The following SHANK2 variants were observed in gnomAD, a reference collection of about 807,000 sequenced individuals.
The protein encoded by SHANK2 is SH3 and multiple ankyrin repeat domains 2, also known as SH3 and multiple ankyrin repeat domains protein 2.
In SHANK2, 43 loss-of-function variants were observed where a neutral mutation model predicts 133.7. That is an observed-to-expected ratio of 0.32 (90% CI 0.25 to 0.41). SHANK2 has a LOEUF of 0.41. Among genes scored for constraint, SHANK2 ranks in the 10% least tolerant of loss-of-function variants. The pLI, the probability that SHANK2 is intolerant of heterozygous loss-of-function variation, is 1.00. For missense variants in SHANK2, 1,994 were observed against 2,235.8 expected, an observed-to-expected ratio of 0.89 and a Z score of 2.18; for synonymous variants, 1,017 against 952.8, an observed-to-expected ratio of 1.07 and a Z score of -1.24.
intron 10 of SHANK2, among the ~76,000 whole-genome samples, chr11:70,934,196 C>T (rs1387300467): frequency 1.4e-5 from 2 of 146,042 alleles, no homozygotes; most frequent in African/African-American, 5.1e-5. Context: ...TGTACCACTG[C>T]ACTCCAGCCT....
rs375568310 is a variant in SHANK2, at chr11:70,756,564, T to C, written c.1777+41879A>G. ...TGGGCAGGGGCTGTGGCTACCTCTC[T>C]AACTAGTCTCACAACCCCTGCTGCC... On this transcript the variant is annotated intron_variant, in intron 14 of 25. Transcript: ENST00000601538. Among the ~76,000 whole-genome samples the C allele has an allele frequency of 3.3e-5, 5 of 152,222 alleles. No homozygotes were observed. The South Asian group carries it at 1.0e-3, about 32-fold the overall frequency.
chr11:71,083,375 C>T lies in SHANK2; in HGVS notation c.913-8100G>A, dbSNP rs1021273713. Among the ~76,000 whole-genome samples the T allele has an allele frequency of 9.2e-5, 14 of 152,210 alleles. No individual in the cohort carries two copies. In the East Asian group the frequency reaches 9.6e-4, roughly 10 times the overall value. On this transcript the variant is annotated intron_variant, in intron 8 of 25. Coordinates refer to ENST00000601538, the MANE Select transcript of SHANK2 (RefSeq NM_012309.5). ...CATTTATTAAGCACCTGGTCTATGC[C>T]GGGCACTGCAGAAAATGCCTCACGT...
chr11:70,834,556 C>T (rs1948777890), intron 11 of SHANK2, among the ~76,000 whole-genome samples: 1 of 152,202 alleles, frequency 6.6e-6, no homozygotes, highest in African/African-American at 2.4e-5. Flanking sequence ...CCTGCCCATC[C>T]CCCACCAGAT....
chr11:70,628,442 G>A (rs990226358), intron 17 of SHANK2, among the ~76,000 whole-genome samples: 2 of 152,166 alleles, frequency 1.3e-5, no homozygotes, highest in Non-Finnish European at 2.9e-5. Flanking sequence ...CGGTTTCCCT[G>A]CTCGCAAAGT....
intron 8 of SHANK2, among the ~76,000 whole-genome samples, chr11:71,090,753 G>T (rs782798228): frequency 6.6e-6 from 1 of 152,054 alleles, no homozygotes; most frequent in Non-Finnish European, 1.5e-5. Flanking sequence ...ATTAAAGATA[G>T]AAATATTTTA....
At chr11:70,791,740 C>G (rs1555048029) in intron 14 of SHANK2, among the ~76,000 whole-genome samples, 2 of 152,316 alleles carry the variant, frequency 1.3e-5, no homozygotes, top group South Asian at 4.1e-4. Flanking sequence ...AAACACTGTC[C>G]TGATGCAGGT....
chr11:71,073,136 C>CTTTTCTT (rs1951164763), intron 9 of SHANK2, among the ~76,000 whole-genome samples: 27 of 72,328 alleles, frequency 3.7e-4, no homozygotes, highest in Non-Finnish European at 7.6e-4. Flanking sequence ...TGTTTTTTTT[C>CTTTTCTT]TTTTTCTTTT....
chr11:71,223,373 C>T (rs1311035701), intron 2 of SHANK2, among the ~76,000 whole-genome samples: 1 of 152,234 alleles, frequency 6.6e-6, no homozygotes, highest in East Asian at 1.9e-4. Context: ...TTCAGTTACC[C>T]TGAACTCAAC....
At chr11:70,762,687 TC>T (rs1485759051) in intron 14 of SHANK2, among the ~76,000 whole-genome samples, 9 of 152,162 alleles carry the variant, frequency 5.9e-5, no homozygotes, top group African/African-American at 2.2e-4. Context: ...GTATGAGCCA[TC>T]TGGATGGCCT....
chr11:70,784,197 GAC>G (rs1314870428), intron 14 of SHANK2, among the ~76,000 whole-genome samples: 1 of 150,160 alleles, frequency 6.7e-6, no homozygotes, highest in African/African-American at 2.5e-5. Context: ...TTTTTTTTGA[GAC>G]AGAGTCTCGT....
chr11:70,487,680 C>T lies in SHANK2; in HGVS notation c.2613G>A (p.Met871Ile). The change falls in exon 25 of 26, where the codon ATG (methionine) becomes ATA (isoleucine). Residue 871 changes from methionine to isoleucine, a missense_variant. Around this residue, in one of 5 missense-constraint regions of SHANK2, gnomAD observed 488 missense variants for 642.6 expected, o/e 0.76. Coordinates refer to ENST00000601538, the MANE Select transcript of SHANK2 (RefSeq NM_012309.5). This position sits in a 1 kb window ranked among gnomAD's most constrained non-coding sequence, Gnocchi z 5.8. ...EEERQFLAPP[M>I]LKFTRSLSMP... ...TGGACAGGCTTCTGGTGAACTTCAG[C>T]ATTGGAGGAGCCAGAAACTGCCGCT... 4.4e-6 allele frequency: 7 copies of T among 1,581,374 alleles called. No homozygotes were observed. Among genetic ancestry groups the T allele is most frequent in the Non-Finnish European group, 6.0e-6 (7 of 1,163,708 alleles).
chr11:70,711,974 G>C (rs189104121), intron 14 of SHANK2, among the ~76,000 whole-genome samples: 1 of 152,158 alleles, frequency 6.6e-6, no homozygotes, highest in Non-Finnish European at 1.5e-5. Flanking sequence ...GACCAGGCTC[G>C]GTGGCCTCAA....
intron 10 of SHANK2, among the ~76,000 whole-genome samples, chr11:70,898,523 G>A (rs1006505023): frequency 6.6e-6 from 1 of 152,138 alleles, no homozygotes; most frequent in South Asian, 2.1e-4. Context: ...CTGGAAACTG[G>A]AGGAAAAGTG....
chr11:70,498,732 G>A (rs1555157663), intron 21 of SHANK2, among the ~76,000 whole-genome samples: 2 of 152,210 alleles, frequency 1.3e-5, no homozygotes, highest in African/African-American at 4.8e-5. Flanking sequence ...AAATGACCAT[G>A]CACGGGGGGC....
At chr11:70,509,574 C>T (rs2059175007) in intron 17 of SHANK2, among the ~76,000 whole-genome samples, 1 of 152,242 alleles carries the variant, frequency 6.6e-6, no homozygotes, top group Non-Finnish European at 1.5e-5. Flanking sequence ...CCCCTGCCCC[C>T]TCACCCTGTC....
chr11:70,624,170 G>A (rs1257444570), intron 17 of SHANK2, among the ~76,000 whole-genome samples: 1 of 152,140 alleles, frequency 6.6e-6, no homozygotes, highest in Non-Finnish European at 1.5e-5. Flanking sequence ...GAGGCCGGGG[G>A]AGTGTGCAGG....
intron 15 of SHANK2, among the ~76,000 whole-genome samples, chr11:70,685,322 C>T (rs1248069144): frequency 6.6e-6 from 1 of 152,168 alleles, no homozygotes; most frequent in Non-Finnish European, 1.5e-5. Context: ...CCCCTTCACT[C>T]ATCTTGGAGG....
chr11:70,891,896 T>C (rs1414043294), intron 11 of SHANK2, among the ~76,000 whole-genome samples: 3 of 152,236 alleles, frequency 2.0e-5, no homozygotes, highest in South Asian at 4.2e-4. Context: ...CTCTTTGAAA[T>C]GTTAATGTGG....
At position 70,485,719 on chromosome 11, in the gene SHANK2, T is replaced by C. The variant is rs1555153043; in HGVS notation, c.4574A>G (p.Glu1525Gly). Residue 1525 changes from glutamate (E) to glycine (G), a missense_variant, in exon 25 of 26, where the codon GAG becomes GGG. Physicochemically the swap from Glu to Gly is moderately conservative, Grantham distance 98 (BLOSUM62 -2). This residue lies in a region of SHANK2 where 797 missense variants were observed against 907.4 expected (regional missense o/e 0.88). Transcript: ENST00000601538. This position sits in a 1 kb window ranked among gnomAD's most constrained non-coding sequence, Gnocchi z 5.8. ...SISTLSSEGG[E>G]NVDTCTVYAD... ...ATAGACTGTGCAGGTGTCCACATTC[T>C]CTCCACCTTCGGAAGACAGGGTGGA... 1 of 1,614,006 alleles carries C rather than the reference T, an allele frequency of 6.2e-7. No homozygotes were observed. The highest frequency in any genetic ancestry group is 8.5e-7 in the Non-Finnish European group (1 of 1,180,014).
Sources: allele counts gnomAD v4.1 joint callset (sites outside exome capture counted in the v4.1 genomes callset), GRCh38; gene constraint gnomAD v4.1.1; regional missense constraint gnomAD v4.1.1; non-coding constraint Gnocchi (gnomAD v3.1); transcripts MANE v1.5; gene names NCBI Gene and HGNC (gene_info 2026-07-23, HGNC 2026-07-21).